METAP1D: variants seen among roughly 807,000 people sequenced by gnomAD.
The protein encoded by METAP1D is methionine aminopeptidase 1D, mitochondrial.
METAP1D carries 31 observed loss-of-function variants against 40.5 expected under a neutral mutation model. The observed-to-expected ratio is 0.77, with a 90% confidence interval of 0.58 to 1.03. METAP1D has a LOEUF of 1.03. METAP1D is among the 50% of genes least tolerant of loss of function. The pLI, the probability that METAP1D is intolerant of heterozygous loss-of-function variation, is 0.00. For missense variants in METAP1D, 411 were observed against 420.7 expected, an observed-to-expected ratio of 0.98 and a Z score of 0.20; for synonymous variants, 151 against 146.4, an observed-to-expected ratio of 1.03 and a Z score of -0.22.
intron 1 of METAP1D, among the ~76,000 whole-genome samples, chr2:172,005,710 G>T (rs534876815): frequency 5.3e-5 from 8 of 151,268 alleles, no homozygotes; most frequent in African/African-American, 1.9e-4. Context: ...GCTAATTTTT[G>T]TATTTTTTTG....
Position 172,070,814 on chromosome 2 carries a change from G to A in METAP1D, c.541-93G>A, listed in dbSNP as rs1045920272. The stretch of plus-strand genomic sequence containing the variant: ...GAATAATTCTGGAAGGGTAAAACAT[G>A]AGTCTACTAAATACATAAATGAATA... On this transcript the variant is annotated intron_variant, in intron 5 of 9. Transcript: ENST00000315796. 1.1e-3 allele frequency: 1,105 copies of A among 979,458 alleles called. 17 individuals are homozygous for A. Among genetic ancestry groups the A allele is most frequent in the Non-Finnish European group, 1.5e-4 (109 of 703,318 alleles). 60.7% of individuals were successfully genotyped at this position (979,458 alleles called of 1,614,324 possible).
intron 1 of METAP1D, among the ~76,000 whole-genome samples, chr2:172,052,031 C>T (rs564702005): frequency 4.6e-5 from 7 of 152,170 alleles, no homozygotes; most frequent in Middle Eastern, 3.4e-3. Context: ...AAGGACAACA[C>T]GGTTGGATGT....
Position 172,057,169 on chromosome 2 carries a change from A to G in METAP1D, c.41-4329A>G, listed in dbSNP as rs547851732. Among the ~76,000 whole-genome samples the G allele has an allele frequency of 5.3e-4, 81 of 152,328 alleles. 1 individual carries two copies. Among genetic ancestry groups the G allele is most frequent in the African/African-American group, 1.9e-3 (78 of 41,572 alleles). On this transcript the variant is annotated intron_variant, in intron 1 of 9. Coordinates refer to ENST00000315796, the MANE Select transcript of METAP1D (RefSeq NM_199227.3). ...ACTTGTGAGCCTTAGTTCCTCATCT[A>G]TAAAGCAGTGATGTTAACAGCTACC... is the stretch of plus-strand genomic sequence containing the variant.
chr2:172,057,665 T>C (rs1378067481), intron 1 of METAP1D, among the ~76,000 whole-genome samples: 1 of 152,232 alleles, frequency 6.6e-6, no homozygotes, highest in Non-Finnish European at 1.5e-5. Flanking sequence ...TTTTTTCTCA[T>C]GCCTGTGAGA....
At chr2:172,070,795 T>A (rs1690401608) in intron 5 of METAP1D, 112 bp from the exon 6 acceptor site, 2 of 828,696 alleles carry the variant, frequency 2.4e-6, no homozygotes, top group Non-Finnish European at 3.5e-6. Flanking sequence ...AAATGAATAA[T>A]TCTGGAAGGG....
chr2:172,029,839 C>T (rs986326490), intron 1 of METAP1D, among the ~76,000 whole-genome samples: 2 of 152,156 alleles, frequency 1.3e-5, no homozygotes, highest in African/African-American at 2.4e-5. Flanking sequence ...ACTGCAACCT[C>T]CATCTCCCAG....
intron 1 of METAP1D, among the ~76,000 whole-genome samples, chr2:172,044,605 T>G (rs1689693459): frequency 8.1e-6 from 1 of 124,190 alleles, no homozygotes; most frequent in African/African-American, 2.7e-5. Flanking sequence ...AAAATAAAAA[T>G]AAAATAAGTC....
intron 1 of METAP1D, among the ~76,000 whole-genome samples, chr2:172,060,879 C>G (rs1690124696): frequency 6.6e-6 from 1 of 152,216 alleles, no homozygotes; most frequent in African/African-American, 2.4e-5. Flanking sequence ...AGGATATGTG[C>G]ATTTAAAATT....
At chr2:172,033,331 TC>T (rs1450758430) in intron 1 of METAP1D, among the ~76,000 whole-genome samples, 9 of 151,860 alleles carry the variant, frequency 5.9e-5, no homozygotes, top group African/African-American at 1.9e-4. Context: ...CTTATTTGGC[TC>T]CTATTTTAAT....
At chr2:172,058,877 C>A (rs141279519) in intron 1 of METAP1D, among the ~76,000 whole-genome samples, 109 of 152,264 alleles carry the variant, frequency 7.2e-4, no homozygotes, top group African/African-American at 2.5e-3. Flanking sequence ...GTGCCTTTCC[C>A]CAAGTCAATT....
At chr2:172,074,364 G>A (rs939573444) in intron 6 of METAP1D, among the ~76,000 whole-genome samples, 9 of 151,998 alleles carry the variant, frequency 5.9e-5, no homozygotes, top group Non-Finnish European at 7.4e-5. Context: ...ATTAGATTAC[G>A]CACATTTAAA....
At chr2:172,022,961 C>T (rs1437002790) in intron 1 of METAP1D, among the ~76,000 whole-genome samples, 2 of 152,092 alleles carry the variant, frequency 1.3e-5, no homozygotes, top group African/African-American at 4.8e-5. Flanking sequence ...CCGAGGCGGG[C>T]TGATCACCTG....
chr2:172,077,727 CTTTGT>C (rs1026989494), intron 6 of METAP1D, 65 bp from the exon 7 acceptor site: 1 of 675,566 alleles, frequency 1.5e-6, no homozygotes, highest in African/African-American at 1.9e-5. Flanking sequence ...TTTAAAGTGA[CTTTGT>C]TTTATCTTAG....
chr2:172,051,486 A>C (rs796839), intron 1 of METAP1D, among the ~76,000 whole-genome samples: 80,726 of 151,972 alleles, frequency 0.53, 22,155 homozygotes, highest in Middle Eastern at 0.64. Flanking sequence ...TTTTCGTAAA[A>C]CATTTCTGAA....
At chr2:172,047,686 C>T (rs1312275027) in intron 1 of METAP1D, among the ~76,000 whole-genome samples, 7 of 152,188 alleles carry the variant, frequency 4.6e-5, no homozygotes, top group African/African-American at 1.7e-4. Context: ...CCGCACACCT[C>T]GGCCTCCCAA....
At chr2:172,018,650 G>C (rs548401354) in intron 1 of METAP1D, among the ~76,000 whole-genome samples, 1 of 152,276 alleles carries the variant, frequency 6.6e-6, no homozygotes, top group African/African-American at 2.4e-5. Flanking sequence ...TAGCAACATA[G>C]TATCCCGGTT....
chr2:172,012,563 C>T (rs1688755281), intron 1 of METAP1D, among the ~76,000 whole-genome samples: 1 of 152,194 alleles, frequency 6.6e-6, no homozygotes, highest in Admixed American at 6.6e-5. Flanking sequence ...GGAGATGCTG[C>T]ACTTTAAAGA....
chr2:172,053,345 C>T (rs1483224548), intron 1 of METAP1D, among the ~76,000 whole-genome samples: 1 of 152,202 alleles, frequency 6.6e-6, no homozygotes, highest in East Asian at 1.9e-4. Context: ...TCTGAGCTTA[C>T]TGTAGGAGGC....
intron 1 of METAP1D, among the ~76,000 whole-genome samples, chr2:172,041,097 G>T (rs1232791274): frequency 6.6e-6 from 1 of 152,006 alleles, no homozygotes; most frequent in Admixed American, 6.6e-5. Flanking sequence ...GATAGCCACA[G>T]TATACAAGAA....
Sources: gnomAD v4.1 joint callset for allele counts (sites outside exome capture counted in the v4.1 genomes callset) on GRCh38, gnomAD v4.1.1 for gene constraint, MANE v1.5 for transcripts, NCBI Gene and HGNC (gene_info 2026-07-23, HGNC 2026-07-21) for gene names.